CDH4: variants seen among roughly 807,000 people sequenced by gnomAD.
CDH4 encodes the protein cadherin 4.
A neutral mutation model predicts 86.0 loss-of-function variants in CDH4; 33 were observed. The ratio of observed to expected loss-of-function variants is 0.38; its 90% CI spans 0.29 to 0.51. The LOEUF (loss-of-function observed/expected upper bound fraction) is 0.51, where lower values mean the gene tolerates loss of function less well. Among genes scored for constraint, CDH4 ranks in the 20% least tolerant of loss-of-function variants. The pLI is 0.86. For missense variants in CDH4, 1,114 were observed against 1,307.4 expected, an observed-to-expected ratio of 0.85 and a Z score of 2.28; for synonymous variants, 555 against 549.4, an observed-to-expected ratio of 1.01 and a Z score of -0.14.
intron 2 of CDH4, among the ~76,000 whole-genome samples, chr20:61,268,298 C>T (rs539997721): frequency 2.6e-5 from 4 of 152,338 alleles, no homozygotes; most frequent in South Asian, 4.1e-4. Context: ...CCTCTGGCTG[C>T]GCTTGACCTT....
rs5842362 is a variant in CDH4, at chr20:61,709,590, AT to A, written c.170-33960del. ...TGTGCCTGGCAATTTTTGAATGACAATTTTTTTTTTTTTATCGCTGGCTAAT... is the reference window on the plus strand; with the variant it reads ...TGTGCCTGGCAATTTTTGAATGACAATTTTTTTTTTTTATCGCTGGCTAAT... On this transcript the variant is annotated intron_variant, in intron 2 of 15. Coordinates refer to ENST00000614565, the MANE Select transcript of CDH4 (RefSeq NM_001794.5). The surrounding 1 kb of genome is among the most constrained non-coding windows in gnomAD (Gnocchi z 4.8). 6.7e-4 allele frequency among the ~76,000 whole-genome samples: 99 copies of A among 148,102 alleles called. No individual in the cohort carries two copies. The East Asian group carries it at 7.2e-3, about 11-fold the overall frequency.
chr20:61,831,643 C>A (rs1425581352), intron 4 of CDH4, among the ~76,000 whole-genome samples: 2 of 152,244 alleles, frequency 1.3e-5, no homozygotes, highest in South Asian at 4.1e-4. Flanking sequence ...TCCGGCAGGC[C>A]ACAGTGCAGC....
intron 2 of CDH4, among the ~76,000 whole-genome samples, chr20:61,331,698 G>GGCCCACCTCCTGCCCCCGCCAACTGCCCC (rs1568801283): frequency 1.4e-5 from 2 of 143,012 alleles, no homozygotes; most frequent in African/African-American, 2.6e-5. Flanking sequence ...ACCTGCCCCA[G>GGCCCACCTCCTGCCCCCGCCAACTGCCCC]AGCCACCTCC....
In CDH4 at chr20:61,779,404, C is replaced by G. The variant is rs1383506318; in HGVS notation, c.576+6222C>G. On this transcript the variant is annotated intron_variant, in intron 4 of 15. Coordinates refer to ENST00000614565, the MANE Select transcript of CDH4 (RefSeq NM_001794.5). ...ACAAGGCTCTGGAGGGAGGTCGCTCCACAGTCGCGGAGCCTGCGAGGTGCT... is the reference window on the plus strand; with the variant it reads ...ACAAGGCTCTGGAGGGAGGTCGCTCGACAGTCGCGGAGCCTGCGAGGTGCT... Among the ~76,000 whole-genome samples the G allele has an allele frequency of 2.6e-5, 4 of 152,274 alleles. No individual in the cohort carries two copies. The East Asian group carries it at 7.8e-4, about 30-fold the overall frequency.
Position 61,852,782 on chromosome 20 carries a change from G to A in CDH4, c.761G>A (p.Gly254Asp). ...HLRAHAVDMNGNKVENPIDLY... is the reference protein window; with the variant it reads ...HLRAHAVDMNDNKVENPIDLY... ...CGAGCCCACGCTGTGGACATGAATG[G>A]CAACAAGGTGGAGAACCCCATCGAC... Residue 254 changes from glycine (G) to aspartate (D), a missense_variant, in exon 6 of 16, where the codon GGC (glycine) becomes GAC (aspartate). Gly to Asp is a moderately conservative substitution (Grantham distance 94, BLOSUM62 -1). Coordinates refer to ENST00000614565, the MANE Select transcript of CDH4 (RefSeq NM_001794.5). 1.2e-6 allele frequency: 2 copies of A among 1,613,520 alleles called. No homozygotes were observed. Among genetic ancestry groups the A allele is most frequent in the Non-Finnish European group, 8.5e-7 (1 of 1,179,664 alleles).
At chr20:61,904,749 G>A (rs974957352) in intron 8 of CDH4, among the ~76,000 whole-genome samples, 8 of 152,358 alleles carry the variant, frequency 5.3e-5, no homozygotes, top group East Asian at 3.9e-4. Context: ...GCCGCTTGCC[G>A]TGTGGCAGAT....
intron 2 of CDH4, among the ~76,000 whole-genome samples, chr20:61,350,809 T>C (rs1435814757): frequency 6.6e-6 from 1 of 152,258 alleles, no homozygotes; most frequent in Non-Finnish European, 1.5e-5. Context: ...GATGATGCTG[T>C]GTTGGAAACT....
At chr20:61,385,947 C>T (rs1409676039) in intron 2 of CDH4, among the ~76,000 whole-genome samples, 1 of 152,174 alleles carries the variant, frequency 6.6e-6, no homozygotes, top group African/African-American at 2.4e-5. Flanking sequence ...TAATGCCTGG[C>T]ACCAGACTGG....
chr20:61,271,936 T>C (rs1297899215), intron 2 of CDH4, among the ~76,000 whole-genome samples: 3 of 152,130 alleles, frequency 2.0e-5, no homozygotes, highest in Non-Finnish European at 2.9e-5. Context: ...AGCTCGCTGA[T>C]TGGGGGCAGG....
At chr20:61,790,077 C>A (rs988816839) in intron 4 of CDH4, among the ~76,000 whole-genome samples, 1 of 152,114 alleles carries the variant, frequency 6.6e-6, no homozygotes, top group Admixed American at 6.5e-5. Context: ...ACCCATCCAT[C>A]TGTTCATCCA....
chr20:61,455,706 A>T (rs1174013499), intron 2 of CDH4, among the ~76,000 whole-genome samples: 1 of 151,954 alleles, frequency 6.6e-6, no homozygotes, highest in East Asian at 1.9e-4. Flanking sequence ...ACATTGGAAA[A>T]ACCCAAATGT....
intron 7 of CDH4, among the ~76,000 whole-genome samples, chr20:61,885,041 C>T (rs1050961878): frequency 6.6e-6 from 1 of 152,174 alleles, no homozygotes; most frequent in Admixed American, 6.5e-5. Context: ...GAGGCAGCCC[C>T]CACCCCACCA....
intron 2 of CDH4, among the ~76,000 whole-genome samples, chr20:61,279,053 A>G (rs994777952): frequency 7.9e-5 from 12 of 152,218 alleles, no homozygotes; most frequent in African/African-American, 2.9e-4. Flanking sequence ...TCTTATTCTA[A>G]GATCCTCCCC....
chr20:61,661,584 C>T lies in CDH4; in HGVS notation c.170-81979C>T, dbSNP rs1003377070. Reference sequence around the variant, plus strand: ...CCTACAGTTGATGCCATCTGCGTCACGGGCATGATCTGACATGCGTCTTCC... The same window carrying T: ...CCTACAGTTGATGCCATCTGCGTCATGGGCATGATCTGACATGCGTCTTCC... On this transcript the variant is annotated intron_variant, in intron 2 of 15. Coordinates refer to ENST00000614565, the MANE Select transcript of CDH4 (RefSeq NM_001794.5). Among the ~76,000 whole-genome samples the T allele has an allele frequency of 7.3e-5, 11 of 151,146 alleles. No homozygotes were observed. In the South Asian group the frequency reaches 1.3e-3, roughly 17 times the overall value.
At chr20:61,354,173 C>T (rs755960336) in intron 2 of CDH4, among the ~76,000 whole-genome samples, 1 of 152,010 alleles carries the variant, frequency 6.6e-6, no homozygotes, top group Non-Finnish European at 1.5e-5. Context: ...GCTTAGGACG[C>T]CCCCCACCCC....
At chr20:61,798,614 C>A (rs1172087550) in intron 4 of CDH4, among the ~76,000 whole-genome samples, 1 of 152,242 alleles carries the variant, frequency 6.6e-6, no homozygotes, top group Non-Finnish European at 1.5e-5. Context: ...CCACCTCGGC[C>A]AGGCCCCTTG....
At chr20:61,444,168 G>C (rs375458332) in intron 2 of CDH4, among the ~76,000 whole-genome samples, 124 of 150,698 alleles carry the variant, frequency 8.2e-4, no homozygotes, top group African/African-American at 2.8e-3. Flanking sequence ...ATCTATGTGT[G>C]TGTGTCTTTG....
At chr20:61,627,575 C>A (rs542906699) in intron 2 of CDH4, among the ~76,000 whole-genome samples, 1 of 152,330 alleles carries the variant, frequency 6.6e-6, no homozygotes, top group East Asian at 1.9e-4. Context: ...CTCTTTGTGT[C>A]GACCATGACT....
chr20:61,900,241 G>A (rs80033606), intron 8 of CDH4, among the ~76,000 whole-genome samples: 3,235 of 152,176 alleles, frequency 0.021, 106 homozygotes, highest in African/African-American at 0.072. Flanking sequence ...GAGAAATTAC[G>A]ATTCAGCGTG....
Sources: allele counts gnomAD v4.1 joint callset (sites outside exome capture counted in the v4.1 genomes callset), GRCh38; gene constraint gnomAD v4.1.1; non-coding constraint Gnocchi (gnomAD v3.1); transcripts MANE v1.5; gene names NCBI Gene and HGNC (gene_info 2026-07-23, HGNC 2026-07-21).